The following ST6GALNAC3 variants were observed in gnomAD, a reference collection of about 807,000 sequenced individuals.
ST6GALNAC3 encodes the protein alpha-N-acetylgalactosaminide alpha-2,6-sialyltransferase 3.
Under a neutral mutation model 32.7 loss-of-function variants are expected in ST6GALNAC3, and 25 were observed. That is an observed-to-expected ratio of 0.76 (90% CI 0.56 to 1.07). ST6GALNAC3 has a LOEUF of 1.07. Among genes scored for constraint, ST6GALNAC3 ranks in the 50% least tolerant of loss-of-function variants. ST6GALNAC3 has a pLI of 0.00. For synonymous variants in ST6GALNAC3, 129 were observed against 133.1 expected (o/e 0.97, Z 0.21); for missense variants, 355 against 382.4 (o/e 0.93, Z 0.60).
intron 1 of ST6GALNAC3, among the ~76,000 whole-genome samples, chr1:76,252,802 G>A (rs1316371196): frequency 6.6e-6 from 1 of 152,138 alleles, no homozygotes; most frequent in Non-Finnish European, 1.5e-5. Context: ...AAGCCGCTCT[G>A]TGATAGCATT....
chr1:76,153,012 G>A (rs547100953), intron 1 of ST6GALNAC3, among the ~76,000 whole-genome samples: 16 of 152,270 alleles, frequency 1.1e-4, no homozygotes, highest in African/African-American at 3.4e-4. Context: ...GGGAATTACC[G>A]GACCTTAAGA....
intron 2 of ST6GALNAC3, among the ~76,000 whole-genome samples, chr1:76,358,779 C>T (rs1425940851): frequency 6.6e-6 from 1 of 152,194 alleles, no homozygotes; most frequent in East Asian, 1.9e-4. Flanking sequence ...ACCTCCCTGC[C>T]ACTCCAACCT....
chr1:76,247,014 G>A (rs1657301157), intron 1 of ST6GALNAC3, among the ~76,000 whole-genome samples: 1 of 152,150 alleles, frequency 6.6e-6, no homozygotes, highest in South Asian at 2.1e-4. Context: ...TGTTGATGTT[G>A]TTGTTGCTTT....
intron 1 of ST6GALNAC3, among the ~76,000 whole-genome samples, chr1:76,216,920 A>T (rs1655498441): frequency 6.6e-6 from 1 of 152,084 alleles, no homozygotes; most frequent in Non-Finnish European, 1.5e-5. Context: ...TCTTGTTCGG[A>T]AAAAAAATAC....
intron 3 of ST6GALNAC3, among the ~76,000 whole-genome samples, chr1:76,606,510 A>C (rs1296522542): frequency 6.6e-6 from 1 of 152,124 alleles, no homozygotes. Context: ...GTGGGAGCTG[A>C]ACAATGAGGA....
intron 1 of ST6GALNAC3, among the ~76,000 whole-genome samples, chr1:76,274,875 G>C (rs1023838388): frequency 6.6e-6 from 1 of 152,136 alleles, no homozygotes; most frequent in East Asian, 1.9e-4. Flanking sequence ...AGGGAATGTC[G>C]AACTTCATCT....
chr1:76,458,071 G>A (rs1304969737), intron 3 of ST6GALNAC3, among the ~76,000 whole-genome samples: 17 of 147,716 alleles, frequency 1.2e-4, no homozygotes, highest in African/African-American at 1.7e-4. Context: ...AAAAGTGGGC[G>A]AAGGACATGA....
chr1:76,403,797 A>C (rs946760273), intron 2 of ST6GALNAC3, among the ~76,000 whole-genome samples: 19 of 152,080 alleles, frequency 1.2e-4, no homozygotes, highest in African/African-American at 4.3e-4. Flanking sequence ...GAAAGGAGAA[A>C]AAAATAATCA....
chr1:76,618,742 C>T (rs183297922), intron 3 of ST6GALNAC3, among the ~76,000 whole-genome samples: 37 of 152,092 alleles, frequency 2.4e-4, no homozygotes, highest in African/African-American at 8.4e-4. Context: ...GTTGTTCTCA[C>T]GATAAAGAGG....
At chr1:76,439,218 T>C (rs919885288) in intron 3 of ST6GALNAC3, among the ~76,000 whole-genome samples, 5 of 152,166 alleles carry the variant, frequency 3.3e-5, no homozygotes, top group Non-Finnish European at 7.3e-5. Flanking sequence ...GGGCATGAAA[T>C]GGCACATATC....
At chr1:76,372,539 T>A (rs1401280882) in intron 2 of ST6GALNAC3, among the ~76,000 whole-genome samples, 2 of 152,114 alleles carry the variant, frequency 1.3e-5, no homozygotes, top group Admixed American at 1.3e-4. Flanking sequence ...ATGACACCAC[T>A]GTCCTATCTT....
intron 3 of ST6GALNAC3, among the ~76,000 whole-genome samples, chr1:76,525,805 A>ATACGTATATATATATATATACG (rs1557528963): frequency 3.6e-5 from 3 of 83,094 alleles, no homozygotes; most frequent in African/African-American, 1.4e-4. Context: ...ATATATATAT[A>ATACGTATATATATATATATACG]TATATATATA....
intron 1 of ST6GALNAC3, among the ~76,000 whole-genome samples, chr1:76,096,912 A>G (rs1185632639): frequency 1.3e-5 from 2 of 148,744 alleles, no homozygotes; most frequent in Non-Finnish European, 3.0e-5. Flanking sequence ...AGAGGAAGTC[A>G]TAGAGCTTTT....
chr1:76,313,153 G>A (rs191551275), intron 1 of ST6GALNAC3, among the ~76,000 whole-genome samples: 14 of 152,206 alleles, frequency 9.2e-5, no homozygotes, highest in African/African-American at 3.4e-4. Flanking sequence ...AGAAGAATGA[G>A]TGATAATGAT....
intron 1 of ST6GALNAC3, among the ~76,000 whole-genome samples, chr1:76,136,323 A>T (rs1275628774): frequency 6.6e-6 from 1 of 152,206 alleles, no homozygotes; most frequent in Non-Finnish European, 1.5e-5. Flanking sequence ...TTGTTCTTTG[A>T]TGTACAGCTT....
chr1:76,400,044 A>G (rs551900091), intron 2 of ST6GALNAC3, among the ~76,000 whole-genome samples: 1 of 152,206 alleles, frequency 6.6e-6, no homozygotes, highest in East Asian at 1.9e-4. Flanking sequence ...TCATGACCTC[A>G]GTATAATATT....
intron 2 of ST6GALNAC3, among the ~76,000 whole-genome samples, chr1:76,375,892 T>C (rs1198396757): frequency 5.3e-5 from 8 of 152,132 alleles, no homozygotes; most frequent in Non-Finnish European, 1.0e-4. Flanking sequence ...AAAGTGTGCA[T>C]AGTGTTAAAA....
At chr1:76,277,019 T>C (rs1194862872) in intron 1 of ST6GALNAC3, among the ~76,000 whole-genome samples, 3 of 152,224 alleles carry the variant, frequency 2.0e-5, no homozygotes, top group Non-Finnish European at 2.9e-5. Context: ...ACCTTCTTAA[T>C]GGATTTGTAG....
At chr1:76,311,899 A>G (rs1434759903) in intron 1 of ST6GALNAC3, among the ~76,000 whole-genome samples, 1 of 152,178 alleles carries the variant, frequency 6.6e-6, no homozygotes, top group Non-Finnish European at 1.5e-5. Flanking sequence ...TCCCACCAAC[A>G]GTGTAAAAGC....
Sources: gnomAD v4.1 joint callset for allele counts (sites outside exome capture counted in the v4.1 genomes callset) on GRCh38, gnomAD v4.1.1 for gene constraint, MANE v1.5 for transcripts, NCBI Gene and HGNC (gene_info 2026-07-23, HGNC 2026-07-21) for gene names.